EBF3: variants seen among roughly 807,000 people sequenced by gnomAD.
EBF3 encodes the protein transcription factor COE3.
Under a neutral mutation model 77.1 loss-of-function variants are expected in EBF3, and 18 were observed. The observed-to-expected ratio is 0.23, with a 90% CI of 0.16 to 0.35. The LOEUF is 0.35. Among genes scored for constraint, EBF3 ranks in the 10% least tolerant of loss-of-function variants. The pLI, the probability that EBF3 is intolerant of heterozygous loss-of-function variation, is 1.00. For synonymous variants in EBF3, 350 were observed against 343.5 expected, an observed-to-expected ratio of 1.02 and a Z score of -0.21; for missense variants, 558 against 860.0, an observed-to-expected ratio of 0.65 and a Z score of 4.39.
chr10:129,858,248 A>G (rs1851389732), intron 10 of EBF3, among the ~76,000 whole-genome samples: 1 of 152,150 alleles, frequency 6.6e-6, no homozygotes, highest in African/African-American at 2.4e-5. Flanking sequence ...TCTCCCTTAC[A>G]GGGTATTAAG....
At chr10:129,914,277 G>A (rs1168825827) in intron 6 of EBF3, among the ~76,000 whole-genome samples, 1 of 152,166 alleles carries the variant, frequency 6.6e-6, no homozygotes, top group African/African-American at 2.4e-5. Flanking sequence ...CAGACAAAGA[G>A]CATCTGTGAT....
intron 6 of EBF3, among the ~76,000 whole-genome samples, chr10:129,941,545 CCA>C (rs1228214322): frequency 6.6e-6 from 1 of 152,144 alleles, no homozygotes; most frequent in African/African-American, 2.4e-5. Flanking sequence ...GGAGACTCGG[CCA>C]CAGACTCCGG....
chr10:129,900,605 T>C (rs1854711598), intron 6 of EBF3, among the ~76,000 whole-genome samples: 1 of 152,246 alleles, frequency 6.6e-6, no homozygotes, highest in Non-Finnish European at 1.5e-5. Context: ...CCAAAGGGCC[T>C]CCAGTTCTCC....
chr10:129,962,915 G>A, intron 3 of EBF3, 27 bp downstream of exon 3: 1 of 1,612,770 alleles, frequency 6.2e-7, no homozygotes, highest in South Asian at 1.1e-5. Context: ...CCGCTGCAGG[G>A]GCGGCGAGCA....
intron 6 of EBF3, among the ~76,000 whole-genome samples, chr10:129,919,309 C>A (rs951595076): frequency 3.3e-5 from 5 of 152,032 alleles, no homozygotes; most frequent in African/African-American, 4.8e-5. Context: ...GAAGGCTGTC[C>A]AGGTGGAGGG....
In EBF3 at chr10:129,935,527, C is replaced by T. The variant is rs185142936; in HGVS notation, c.554+21731G>A. On this transcript the variant is annotated intron_variant, in intron 6 of 16. Transcript: ENST00000440978. This position sits in a 1 kb window ranked among gnomAD's most constrained non-coding sequence, Gnocchi z 4.2. ...TAAGAACAAGCCTCCCAACTCAGCGCCAACTGCGGAGCACCAAGCACCCAT... is the reference window on the plus strand; with the variant it reads ...TAAGAACAAGCCTCCCAACTCAGCGTCAACTGCGGAGCACCAAGCACCCAT... 6.6e-6 allele frequency among the ~76,000 whole-genome samples: 1 copy of T among 152,346 alleles called. No individual in the cohort carries two copies. Among genetic ancestry groups the T allele is most frequent in the Non-Finnish European group, 1.5e-5 (1 of 68,028 alleles).
At chr10:129,862,475 G>A (rs902230024) in intron 10 of EBF3, among the ~76,000 whole-genome samples, 8 of 152,096 alleles carry the variant, frequency 5.3e-5, no homozygotes, top group Admixed American at 1.3e-4. Context: ...CTTTAATCGA[G>A]CAAAAGAAAT....
intron 6 of EBF3, among the ~76,000 whole-genome samples, chr10:129,953,319 C>T (rs912432521): frequency 3.9e-5 from 6 of 152,140 alleles, no homozygotes; most frequent in African/African-American, 1.4e-4. Context: ...AATCTGAGGT[C>T]AGCTGAAAAG....
At chr10:129,853,326 A>T (rs1484426406) in intron 10 of EBF3, among the ~76,000 whole-genome samples, 1 of 152,132 alleles carries the variant, frequency 6.6e-6, no homozygotes, top group Non-Finnish European at 1.5e-5. Context: ...CTGCCTGAAA[A>T]ACCTGACTCC....
At chr10:129,843,805 C>T (rs186168110) in intron 11 of EBF3, among the ~76,000 whole-genome samples, 2 of 152,322 alleles carry the variant, frequency 1.3e-5, no homozygotes, top group Admixed American at 1.3e-4. Context: ...TTTCAATTAA[C>T]CTCTTTGACT....
At chr10:129,928,597 G>A (rs987802791) in intron 6 of EBF3, among the ~76,000 whole-genome samples, 4 of 152,146 alleles carry the variant, frequency 2.6e-5, no homozygotes, top group Non-Finnish European at 4.4e-5. Context: ...GCATTTCTAG[G>A]TGCTTAGGAG....
Position 129,958,984 on chromosome 10 carries a change from G to A in EBF3, c.435C>T (p.Asp145=), listed in dbSNP as rs564735217. ...GCACACGGCACATCTCCGGGTTCTT[G>A]TCCTGGCCCTCGTAGACGATGGCCT... ...TKQAIVYEGQ[D]KNPEMCRVLL... Residue 145 remains aspartate (D), a synonymous_variant, in exon 5 of 17, where the codon GAC becomes GAT. Coordinates refer to ENST00000440978, the MANE Select transcript of EBF3 (RefSeq NM_001375380.1). 3 of 1,600,474 alleles carry A rather than the reference G, an allele frequency of 1.9e-6. No individual in the cohort carries two copies. The highest frequency in any genetic ancestry group is 2.2e-5 in the South Asian group (2 of 89,564).
intron 6 of EBF3, among the ~76,000 whole-genome samples, chr10:129,948,404 G>A (rs1302781211): frequency 6.6e-6 from 1 of 152,130 alleles, no homozygotes; most frequent in Non-Finnish European, 1.5e-5. Context: ...TTCAGGAAAG[G>A]GGGAGGGGTG....
chr10:129,848,348 G>A lies in EBF3; in HGVS notation c.1128+44C>T, dbSNP rs766407428. On this transcript the variant is annotated intron_variant, in intron 11 of 16. Coordinates refer to ENST00000440978, the MANE Select transcript of EBF3 (RefSeq NM_001375380.1). This position sits in a 1 kb window ranked among gnomAD's most constrained non-coding sequence, Gnocchi z 4.4. ...GCCCCCAAACCAGAACCAGCCCAGT[G>A]GCGGCCCCACCATGAGCGGGGTGCC... The A allele has an allele frequency of 1.9e-6, 3 of 1,586,626 alleles. No homozygotes were observed. The highest frequency in any genetic ancestry group is 2.2e-5 in the South Asian group (2 of 90,508).
At chr10:129,940,831 C>T (rs1431175987) in intron 6 of EBF3, among the ~76,000 whole-genome samples, 1 of 152,112 alleles carries the variant, frequency 6.6e-6, no homozygotes, top group East Asian at 1.9e-4. Context: ...CACCGCCCAC[C>T]CCGGAAACCT....
rs894571965 is a variant in EBF3, at chr10:129,864,437, A to G, written c.1039+2704T>C. Among the ~76,000 whole-genome samples, 14 of 152,238 alleles carry G rather than the reference A, an allele frequency of 9.2e-5. No homozygotes were observed. Among genetic ancestry groups the G allele is most frequent in the African/African-American group, 3.4e-4 (14 of 41,458 alleles). On this transcript the variant is annotated intron_variant, in intron 10 of 16. Transcript: ENST00000440978. The surrounding 1 kb of genome is among the most constrained non-coding windows in gnomAD (Gnocchi z 4.4). ...ACTGGGGACAGAATCCCCAGGAGAC[A>G]GCAGGCAAAGTGCAAAGAAAGGACT...
At chr10:129,957,416 T>G in intron 5 of EBF3, 90 bp from the exon 6 acceptor site, 1 of 1,078,244 alleles carries the variant, frequency 9.3e-7, no homozygotes, top group Non-Finnish European at 1.3e-6. Flanking sequence ...CGTCTGACAA[T>G]GAAGCGGTAG....
rs1281147548 is a variant in EBF3 at position 129,873,487 on chromosome 10, G to C, written c.746C>G (p.Pro249Arg). 6.3e-7 allele frequency: 1 copy of C among 1,584,110 alleles called. No individual in the cohort carries two copies. Among genetic ancestry groups the C allele is most frequent in the African/African-American group, 1.4e-5 (1 of 73,958 alleles). The change falls in exon 8 of 17, where the codon CCG (proline) becomes CGG (arginine). Residue 249 changes from proline (P) to arginine (R), a missense_variant. Around this residue, in one of 5 missense-constraint regions of EBF3, gnomAD observed 112 missense variants for 207.7 expected, o/e 0.54. Coordinates refer to ENST00000440978, the MANE Select transcript of EBF3 (RefSeq NM_001375380.1). ...ATAAGAAGGGGCCGTACCTTCTGAC[G>C]GGTCTAGGCGGCGGGCCCGCCTCCC... is the stretch of plus-strand genomic sequence containing the variant. ...KHGRRARRLD[P>R]SEGTAPSYLE... is the part of the protein sequence containing the mutation.
chr10:129,892,771 A>G (rs1467870265), intron 6 of EBF3, among the ~76,000 whole-genome samples: 1 of 152,238 alleles, frequency 6.6e-6, no homozygotes, highest in Non-Finnish European at 1.5e-5. Context: ...GGTTAACCTA[A>G]TAAGACTGCT....
Sources: gnomAD v4.1 joint callset for allele counts (sites outside exome capture counted in the v4.1 genomes callset) on GRCh38, gnomAD v4.1.1 for gene constraint, gnomAD v4.1.1 regional missense constraint, Gnocchi (gnomAD v3.1) non-coding constraint, MANE v1.5 for transcripts, NCBI Gene and HGNC (gene_info 2026-07-23, HGNC 2026-07-21) for gene names.